SKAP1: variants seen among roughly 807,000 people sequenced by gnomAD.
SKAP1 encodes the protein src kinase-associated phosphoprotein 1.
Under a neutral mutation model 58.5 loss-of-function variants are expected in SKAP1, and 44 were observed. The observed-to-expected ratio is 0.75, with a 90% CI of 0.59 to 0.97. The LOEUF (loss-of-function observed/expected upper bound fraction) is 0.97. Among genes scored for constraint, SKAP1 ranks in the 50% least tolerant of loss-of-function variants. The pLI, the probability that SKAP1 is intolerant of heterozygous loss-of-function variation, is 0.00. For synonymous variants in SKAP1, 127 were observed against 149.7 expected (o/e 0.85, Z 1.11); for missense variants, 390 against 435.2 (o/e 0.90, Z 0.92).
At chr17:48,407,905 T>G (rs1208029280) in intron 1 of SKAP1, among the ~76,000 whole-genome samples, 1 of 147,654 alleles carries the variant, frequency 6.8e-6, no homozygotes, top group Non-Finnish European at 1.5e-5. Context: ...TAAGTGTAAG[T>G]GTAAGAGCTG....
At chr17:48,354,802 C>A (rs2066853832) in intron 3 of SKAP1, among the ~76,000 whole-genome samples, 1 of 152,062 alleles carries the variant, frequency 6.6e-6, no homozygotes, top group South Asian at 2.1e-4. Flanking sequence ...AAATATCAAG[C>A]AAATTCATTG....
intron 4 of SKAP1, among the ~76,000 whole-genome samples, chr17:48,344,840 G>T (rs909967169): frequency 5.9e-5 from 9 of 152,062 alleles, no homozygotes; most frequent in Admixed American, 1.3e-4. Flanking sequence ...ATTGTCAAAA[G>T]GGCTAAATGA....
chr17:48,248,424 G>A (rs1244239713), intron 4 of SKAP1, among the ~76,000 whole-genome samples: 3 of 151,976 alleles, frequency 2.0e-5, no homozygotes, highest in Admixed American at 6.6e-5. Flanking sequence ...AAAAATAGCC[G>A]GGCATAGTGG....
At chr17:48,139,008 C>T (rs1214701328) in intron 11 of SKAP1, among the ~76,000 whole-genome samples, 1 of 151,990 alleles carries the variant, frequency 6.6e-6, no homozygotes, top group Admixed American at 6.6e-5. Context: ...CCTGCCTCAG[C>T]CTCCTGAGTA....
At chr17:48,298,332 A>G (rs879667300) in intron 4 of SKAP1, among the ~76,000 whole-genome samples, 1 of 152,204 alleles carries the variant, frequency 6.6e-6, no homozygotes, top group Non-Finnish European at 1.5e-5. Flanking sequence ...TTTTGGTAGC[A>G]TGGATAACTC....
At chr17:48,355,470 G>T (rs573704618) in intron 3 of SKAP1, among the ~76,000 whole-genome samples, 2 of 152,064 alleles carry the variant, frequency 1.3e-5, no homozygotes, top group African/African-American at 4.8e-5. Flanking sequence ...TAAAGATGGG[G>T]TCTCTCTGTA....
At chr17:48,291,344 T>C (rs895075745) in intron 4 of SKAP1, among the ~76,000 whole-genome samples, 8 of 152,298 alleles carry the variant, frequency 5.3e-5, no homozygotes, top group Admixed American at 4.6e-4. Context: ...TCTGTTCTCT[T>C]TCTTGTAAAA....
intron 4 of SKAP1, among the ~76,000 whole-genome samples, chr17:48,271,584 A>G (rs1450418016): frequency 6.6e-6 from 1 of 151,774 alleles, no homozygotes; most frequent in Non-Finnish European, 1.5e-5. Context: ...TTGATCCTGA[A>G]CTACTGGCCT....
chr17:48,347,755 A>G (rs1417324659), intron 3 of SKAP1, among the ~76,000 whole-genome samples: 1 of 152,208 alleles, frequency 6.6e-6, no homozygotes, highest in Non-Finnish European at 1.5e-5. Context: ...AAATTCTCAA[A>G]TACTGGACTG....
chr17:48,302,438 T>C (rs949895053), intron 4 of SKAP1, among the ~76,000 whole-genome samples: 1 of 152,240 alleles, frequency 6.6e-6, no homozygotes, highest in African/African-American at 2.4e-5. Flanking sequence ...TATATTGCTA[T>C]GGAATTTCAC....
At chr17:48,282,151 T>C (rs1461980333) in intron 4 of SKAP1, among the ~76,000 whole-genome samples, 1 of 152,264 alleles carries the variant, frequency 6.6e-6, no homozygotes, top group Non-Finnish European at 1.5e-5. Context: ...TACTTTCTTT[T>C]ATGCCTTTCT....
chr17:48,367,561 CATATATAT>C (rs143641420), intron 2 of SKAP1, among the ~76,000 whole-genome samples: 17 of 142,174 alleles, frequency 1.2e-4, no homozygotes, highest in Non-Finnish European at 2.1e-4. Flanking sequence ...GATATATATC[CATATATAT>C]ATATATATAA....
chr17:48,274,155 G>A (rs1162656906), intron 4 of SKAP1, among the ~76,000 whole-genome samples: 3 of 152,150 alleles, frequency 2.0e-5, no homozygotes, highest in Non-Finnish European at 4.4e-5. Flanking sequence ...TCAGGAGGCC[G>A]AGGTGAGCAG....
Position 48,189,424 on chromosome 17 carries a change from T to C in SKAP1, c.357A>G (p.Lys119=). 1 of 1,611,186 alleles carries C rather than the reference T, an allele frequency of 6.2e-7. No individual in the cohort carries two copies. The highest frequency in any genetic ancestry group is 8.5e-7 in the Non-Finnish European group (1 of 1,178,132). ...GAAATCTGTGGGTCTGACCAATACC[T>C]TTGCTTTTCTTCTCCAAGTATCCTT... is the stretch of plus-strand genomic sequence containing the variant. ...IKQGYLEKKS[K]DHSFFGSEWQ... is the part of the protein sequence containing the mutation. Residue 119 remains lysine, a splice_region_variant and synonymous_variant, in exon 5 of 13, where the codon AAA becomes AAG. Coordinates refer to ENST00000336915, the MANE Select transcript of SKAP1 (RefSeq NM_003726.4).
At chr17:48,437,993 G>A in the SKAP1 span, among the ~76,000 whole-genome samples, 3 of 151,830 alleles carry the variant, frequency 2.0e-5, no homozygotes, top group Non-Finnish European at 4.4e-5. Flanking sequence ...CTTCTAACCC[G>A]GCCTCCCACA....
At chr17:48,339,951 G>A (rs1410736066) in intron 4 of SKAP1, among the ~76,000 whole-genome samples, 2 of 152,128 alleles carry the variant, frequency 1.3e-5, no homozygotes, top group Non-Finnish European at 2.9e-5. Flanking sequence ...GGGAGGCTGA[G>A]GCGGGTGGAT....
chr17:48,303,002 C>T (rs1219995360), intron 4 of SKAP1, among the ~76,000 whole-genome samples: 2 of 151,950 alleles, frequency 1.3e-5, no homozygotes, highest in African/African-American at 2.4e-5. Flanking sequence ...TATAGAATTG[C>T]TCAAATTTAA....
chr17:48,257,364 C>G (rs774636419), intron 4 of SKAP1, among the ~76,000 whole-genome samples: 6 of 151,968 alleles, frequency 3.9e-5, no homozygotes, highest in African/African-American at 1.2e-4. Flanking sequence ...CAGTATTTAG[C>G]CAGTTTACTA....
intron 1 of SKAP1, among the ~76,000 whole-genome samples, chr17:48,404,758 G>A (rs2067548458): frequency 6.6e-6 from 1 of 152,122 alleles, no homozygotes; most frequent in Non-Finnish European, 1.5e-5. Context: ...GATGACAATA[G>A]TGAAAAGTTA....
Sources: gnomAD v4.1 joint callset for allele counts (sites outside exome capture counted in the v4.1 genomes callset) on GRCh38, gnomAD v4.1.1 for gene constraint, MANE v1.5 for transcripts, NCBI Gene and HGNC (gene_info 2026-07-23, HGNC 2026-07-21) for gene names.